OTC: variants seen among roughly 807,000 people sequenced by gnomAD.
The protein encoded by OTC is ornithine transcarbamylase.
In OTC, 3 loss-of-function variants were observed where a neutral mutation model predicts 30.3. The ratio of observed to expected loss-of-function variants is 0.10; its 90% CI spans 0.05 to 0.26. OTC has a LOEUF of 0.26. Among genes scored for constraint, OTC ranks in the 10% least tolerant of loss-of-function variants. OTC has a pLI of 1.00. For missense variants in OTC, 194 were observed against 260.3 expected (o/e 0.75, Z 1.75); for synonymous variants, 111 against 99.7 (o/e 1.11, Z -0.67).
the OTC span, among the ~76,000 whole-genome samples, chrX:38,346,873 G>C: frequency 0.024 from 2,633 of 111,799 alleles, 73 homozygotes; most frequent in African/African-American, 0.082. Flanking sequence ...TTGTGGTGGT[G>C]GTTATACAAA....
At chrX:38,375,963 A>G (rs977841099) in intron 3 of OTC, among the ~76,000 whole-genome samples, 1 of 111,958 alleles carries the variant, frequency 8.9e-6, no homozygotes, top group African/African-American at 3.2e-5. Flanking sequence ...AGCAACTACC[A>G]AGGTAGATGC....
At chrX:38,352,208 G>A (rs1354992908), upstream of OTC, among the ~76,000 whole-genome samples, 2 of 111,821 alleles carry the variant, frequency 1.8e-5, no homozygotes, top group Non-Finnish European at 3.8e-5. Context: ...GGAAAGACTG[G>A]CAATTAGAGG....
intron 9 of OTC, among the ~76,000 whole-genome samples, chrX:38,416,865 A>G (rs1243052348): frequency 8.9e-6 from 1 of 112,201 alleles, no homozygotes; most frequent in Non-Finnish European, 1.9e-5. Flanking sequence ...AAACAAAGCA[A>G]AAATGAGAGG....
the OTC span, among the ~76,000 whole-genome samples, chrX:38,331,946 T>G: frequency 9.0e-6 from 1 of 110,993 alleles, no homozygotes; most frequent in Non-Finnish European, 1.9e-5. Flanking sequence ...AGGCCACGAA[T>G]TTGTACTGGT....
intron 9 of OTC, among the ~76,000 whole-genome samples, chrX:38,413,964 G>A (rs958337165): frequency 2.7e-5 from 3 of 110,375 alleles, no homozygotes; most frequent in Non-Finnish European, 3.8e-5. Flanking sequence ...GTGAGCCACC[G>A]TGCCAGGCCG....
At chrX:38,362,203 T>G (rs2068275330) in intron 1 of OTC, among the ~76,000 whole-genome samples, 1 of 111,854 alleles carries the variant, frequency 8.9e-6, no homozygotes, top group African/African-American at 3.2e-5. Context: ...ATTCTAGAGA[T>G]CTGCTGTGCA....
At chrX:38,379,815 G>A (rs2068367135) in intron 3 of OTC, among the ~76,000 whole-genome samples, 1 of 110,513 alleles carries the variant, frequency 9.0e-6, no homozygotes, top group African/African-American at 3.3e-5. Context: ...ATTTTTAGTA[G>A]AGATGGGATT....
upstream of OTC, among the ~76,000 whole-genome samples, chrX:38,347,702 T>C (rs960537630): frequency 2.1e-4 from 24 of 111,940 alleles, no homozygotes; most frequent in African/African-American, 7.2e-4. Flanking sequence ...TCTTAGACAC[T>C]ATACCTCATG....
At chrX:38,404,138 A>G (rs986252462) in intron 6 of OTC, among the ~76,000 whole-genome samples, 2 of 112,457 alleles carry the variant, frequency 1.8e-5, no homozygotes, top group East Asian at 2.8e-4. Context: ...TAACACTGCA[A>G]TTTGGTAGAA....
At chrX:38,399,027 C>CA (rs766065344) in intron 4 of OTC, among the ~76,000 whole-genome samples, 1 of 111,952 alleles carries the variant, frequency 8.9e-6, no homozygotes, top group Non-Finnish European at 1.9e-5. Context: ...ATATTATAGA[C>CA]AGAGTCTTCT....
intron 1 of OTC, among the ~76,000 whole-genome samples, chrX:38,361,220 G>A (rs1312693315): frequency 4.5e-5 from 5 of 111,337 alleles, no homozygotes; most frequent in Non-Finnish European, 9.4e-5. Context: ...CAGGAGAATC[G>A]CTTGAACCTG....
At chrX:38,370,404 G>A (rs182404192) in intron 3 of OTC, among the ~76,000 whole-genome samples, 16 of 111,740 alleles carry the variant, frequency 1.4e-4, no homozygotes, top group African/African-American at 5.2e-4. Context: ...TCTGGTCCTT[G>A]GTCATTAGAA....
At chrX:38,346,522 T>C in the OTC span, among the ~76,000 whole-genome samples, 3 of 112,614 alleles carry the variant, frequency 2.7e-5, no homozygotes, top group Non-Finnish European at 5.6e-5. Context: ...AGTAGCTCTA[T>C]TTACAAACTC....
intron 1 of OTC, among the ~76,000 whole-genome samples, chrX:38,359,716 C>T (rs757425276): frequency 9.0e-5 from 10 of 110,707 alleles, no homozygotes; most frequent in South Asian, 3.8e-4. Flanking sequence ...CCACCGCACC[C>T]GGCTGAAGTG....
chrX:38,391,151 A>T (rs774350144), intron 4 of OTC, among the ~76,000 whole-genome samples: 2 of 110,421 alleles, frequency 1.8e-5, no homozygotes, highest in East Asian at 5.7e-4. Flanking sequence ...AGGACAAAAA[A>T]CCAAACACCG....
chrX:38,372,173 GTAGT>G (rs1243027319), intron 3 of OTC, among the ~76,000 whole-genome samples: 5 of 111,682 alleles, frequency 4.5e-5, no homozygotes, highest in African/African-American at 1.6e-4. Flanking sequence ...TAATAATGTG[GTAGT>G]TAATCTATTA....
At chrX:38,420,318 C>T (rs758310554) in intron 9 of OTC, among the ~76,000 whole-genome samples, 126 of 110,753 alleles carry the variant, frequency 1.1e-3, no homozygotes, top group African/African-American at 3.9e-3. Context: ...TTTCCTCTAG[C>T]TCACCAAAGC....
chrX:38,378,833 T>G (rs896404765), intron 3 of OTC, among the ~76,000 whole-genome samples: 1 of 111,534 alleles, frequency 9.0e-6, no homozygotes, highest in Non-Finnish European at 1.9e-5. Flanking sequence ...CTGGGGATAG[T>G]AGGTCTGGTT....
the OTC span, among the ~76,000 whole-genome samples, chrX:38,342,242 C>T: frequency 9.2e-5 from 10 of 108,746 alleles, no homozygotes; most frequent in Non-Finnish European, 1.5e-4. Context: ...AGGCTAGTCT[C>T]GAACTCCTGA....
Sources: allele counts gnomAD v4.1 joint callset (sites outside exome capture counted in the v4.1 genomes callset), GRCh38; gene constraint gnomAD v4.1.1; transcripts MANE v1.5; gene names NCBI Gene and HGNC (gene_info 2026-07-23, HGNC 2026-07-21).